MGLL: variants seen among roughly 807,000 people sequenced by gnomAD.
The protein encoded by MGLL is lysophospholipase homolog.
In MGLL, 7 loss-of-function variants were observed where a neutral mutation model predicts 29.1. The ratio of observed to expected loss-of-function variants is 0.24; its 90% CI spans 0.14 to 0.45. The LOEUF is 0.45. Ranked by LOEUF, MGLL falls within the 20% of genes least tolerant of loss-of-function variation. The probability of loss-of-function intolerance (pLI) is 0.99; values close to 1 mark genes in which losing one functional copy is unlikely to be tolerated. For synonymous variants in MGLL, 148 were observed against 168.3 expected (o/e 0.88, Z 0.93); for missense variants, 356 against 413.6 (o/e 0.86, Z 1.21).
At chr3:127,763,518 C>T (rs1433858282) in intron 3 of MGLL, among the ~76,000 whole-genome samples, 1 of 152,228 alleles carries the variant, frequency 6.6e-6, no homozygotes, top group Non-Finnish European at 1.5e-5. Flanking sequence ...CTTCTGCTTG[C>T]CAAGGGGCCT....
chr3:127,817,363 C>T (rs1301541715), intron 2 of MGLL, among the ~76,000 whole-genome samples: 1 of 152,144 alleles, frequency 6.6e-6, no homozygotes, highest in African/African-American at 2.4e-5. Context: ...TTCAATACAC[C>T]AGTTTTTATC....
chr3:127,773,904 G>A (rs2076989885), intron 3 of MGLL, among the ~76,000 whole-genome samples: 1 of 152,162 alleles, frequency 6.6e-6, no homozygotes, highest in African/African-American at 2.4e-5. Context: ...GGTTGACACT[G>A]CCACACAGCA....
chr3:127,748,026 G>A (rs2076481223), intron 3 of MGLL, among the ~76,000 whole-genome samples: 1 of 152,164 alleles, frequency 6.6e-6, no homozygotes, highest in Non-Finnish European at 1.5e-5. Flanking sequence ...ACGCGGGGAG[G>A]AGCCACAGCG....
At chr3:127,797,292 A>G (rs2107731774) in intron 2 of MGLL, among the ~76,000 whole-genome samples, 1 of 152,098 alleles carries the variant, frequency 6.6e-6, no homozygotes, top group Admixed American at 6.5e-5. Flanking sequence ...ACCTGGGCAA[A>G]GCTGAGAATC....
intron 2 of MGLL, among the ~76,000 whole-genome samples, chr3:127,794,931 C>T (rs2107728530): frequency 6.6e-6 from 1 of 152,340 alleles, no homozygotes; most frequent in East Asian, 1.9e-4. Flanking sequence ...GTATTAGAAA[C>T]TGAGGTAGTT....
chr3:127,808,665 T>G (rs371618480), intron 2 of MGLL, among the ~76,000 whole-genome samples: 14 of 152,312 alleles, frequency 9.2e-5, no homozygotes, highest in African/African-American at 3.4e-4. Flanking sequence ...AAATGGATAC[T>G]GGGGAGGCAA....
chr3:127,722,183 A>G (rs1400148322), intron 4 of MGLL, among the ~76,000 whole-genome samples: 1 of 152,216 alleles, frequency 6.6e-6, no homozygotes, highest in East Asian at 1.9e-4. Flanking sequence ...TGGGCCAAAG[A>G]ACGTTGAGAA....
At chr3:127,707,094 T>C (rs1408562786) in intron 6 of MGLL, among the ~76,000 whole-genome samples, 1 of 152,172 alleles carries the variant, frequency 6.6e-6, no homozygotes, top group Admixed American at 6.5e-5. Context: ...GCATATGGCC[T>C]GCCTGAGGGA....
intron 6 of MGLL, among the ~76,000 whole-genome samples, chr3:127,697,632 C>T (rs756343650): frequency 3.3e-5 from 5 of 152,184 alleles, no homozygotes; most frequent in East Asian, 3.8e-4. Context: ...CACATGACCA[C>T]GTTCTGGCCA....
chr3:127,759,597 A>G (rs928740171), intron 3 of MGLL, among the ~76,000 whole-genome samples: 1 of 152,160 alleles, frequency 6.6e-6, no homozygotes, highest in Middle Eastern at 3.2e-3. Context: ...TTTTCCAAGG[A>G]AGGGAAGAGA....
At chr3:127,821,898 G>C in intron 1 of MGLL, 60 bp from the exon 2 acceptor site, 1 of 1,549,890 alleles carries the variant, frequency 6.5e-7, no homozygotes. Flanking sequence ...GTATGGATAG[G>C]AGAGAAAAGT....
chr3:127,747,545 C>G (rs1359455997), intron 3 of MGLL, among the ~76,000 whole-genome samples: 1 of 152,214 alleles, frequency 6.6e-6, no homozygotes, highest in Non-Finnish European at 1.5e-5. Flanking sequence ...GAGAACTCAT[C>G]AGGACAAGAG....
At chr3:127,798,264 G>T (rs1314444595) in intron 2 of MGLL, among the ~76,000 whole-genome samples, 1 of 152,142 alleles carries the variant, frequency 6.6e-6, no homozygotes, top group East Asian at 1.9e-4. Context: ...GAAAGCAGGA[G>T]CCTGTTCAGG....
intron 3 of MGLL, among the ~76,000 whole-genome samples, chr3:127,762,614 G>A (rs1212522762): frequency 1.3e-5 from 2 of 152,170 alleles, no homozygotes; most frequent in African/African-American, 2.4e-5. Flanking sequence ...GTGGGACCTC[G>A]AAGTCTGTCC....
rs532729968 is a variant in MGLL at position 127,749,124 on chromosome 3, C to T, written c.263-26558G>A. On this transcript the variant is annotated intron_variant, in intron 3 of 7. Coordinates refer to ENST00000265052, the MANE Select transcript of MGLL (RefSeq NM_007283.7). The stretch of plus-strand genomic sequence containing the variant: ...TGTGTCGAGATGCCTGTGATCTGGG[C>T]AAAGTCGGAGCCTCTCGACACTGGA... 1.5e-4 allele frequency among the ~76,000 whole-genome samples: 23 copies of T among 152,300 alleles called. No homozygotes were observed. In the East Asian group the frequency reaches 4.2e-3, roughly 28 times the overall value.
At chr3:127,694,562 G>T (rs1017463154) in intron 7 of MGLL, among the ~76,000 whole-genome samples, 5 of 151,962 alleles carry the variant, frequency 3.3e-5, no homozygotes, top group Non-Finnish European at 7.4e-5. Flanking sequence ...GCACCTGTGT[G>T]CCCTGAGCCC....
intron 3 of MGLL, among the ~76,000 whole-genome samples, chr3:127,733,477 T>C (rs1196090018): frequency 6.6e-6 from 1 of 152,186 alleles, no homozygotes; most frequent in Non-Finnish European, 1.5e-5. Context: ...GAACCCTCTC[T>C]TGGGGTCTGG....
chr3:127,814,254 C>T (rs1212892055), intron 2 of MGLL, among the ~76,000 whole-genome samples: 2 of 152,194 alleles, frequency 1.3e-5, no homozygotes, highest in African/African-American at 4.8e-5. Flanking sequence ...GAACACACAA[C>T]ACACAGCTCT....
chr3:127,690,605 GGTGGGAAGTGGCCTCTCCTCT>G lies in MGLL; in HGVS notation c.*1572_*1592del, dbSNP rs1190565929. On this transcript the variant is annotated 3_prime_UTR_variant, in exon 8 of 8. Coordinates refer to ENST00000265052, the MANE Select transcript of MGLL (RefSeq NM_007283.7). ...GCCTAGACTTCATGTTGGGGGTCCT[GGTGGGAAGTGGCCTCTCCTCT>G]GTGGCCCCAGAACCCCTACATTGCA... 2.0e-5 allele frequency: 3 copies of G among 152,814 alleles called. No homozygotes were observed. In the East Asian group the frequency reaches 5.8e-4, roughly 29 times the overall value. The allele number at this position is 152,814 out of a possible 1,614,324, so 9.5% of individuals were successfully genotyped here. A position where few individuals can be genotyped will look rare whatever the true frequency, so the allele number is the denominator to read the frequency against.
Sources: gnomAD v4.1 joint callset for allele counts (sites outside exome capture counted in the v4.1 genomes callset) on GRCh38, gnomAD v4.1.1 for gene constraint, MANE v1.5 for transcripts, NCBI Gene and HGNC (gene_info 2026-07-23, HGNC 2026-07-21) for gene names.